The following MAST4 variants were observed in gnomAD, a reference collection of about 807,000 sequenced individuals.
MAST4 encodes the protein microtubule associated serine/threonine kinase family member 4.
A neutral mutation model predicts 162.7 loss-of-function variants in MAST4; 89 were observed. The ratio of observed to expected loss-of-function variants is 0.55; its 90% confidence interval spans 0.46 to 0.65. The LOEUF (loss-of-function observed/expected upper bound fraction) is 0.65, where lower values mean the gene tolerates loss of function less well. Among genes scored for constraint, MAST4 ranks in the 30% least tolerant of loss-of-function variants. The pLI, the probability that MAST4 is intolerant of heterozygous loss-of-function variation, is 0.00. For missense variants in MAST4, 3,153 were observed against 3,374.0 expected (o/e 0.93, Z 1.62); for synonymous variants, 1,479 against 1,361.1 (o/e 1.09, Z -1.91).
chr5:67,078,772 A>ATATTTATTTATATTTATCTAAATATATT (rs1554093757), intron 5 of MAST4, among the ~76,000 whole-genome samples: 93 of 128,170 alleles, frequency 7.3e-4, no homozygotes, highest in Admixed American at 2.0e-3. Flanking sequence ...CTAAATATAT[A>ATATTTATTTATATTTATCTAAATATATT]TATTTATTTA....
At chr5:66,988,383 C>G (rs1749735691) in intron 4 of MAST4, among the ~76,000 whole-genome samples, 1 of 152,178 alleles carries the variant, frequency 6.6e-6, no homozygotes, top group Non-Finnish European at 1.5e-5. Context: ...CCAGTTCCTT[C>G]AAGACAGCTT....
At chr5:67,134,232 AT>A (rs1769343926) in intron 17 of MAST4, among the ~76,000 whole-genome samples, 1 of 152,226 alleles carries the variant, frequency 6.6e-6, no homozygotes. Flanking sequence ...TGGTTTTAAT[AT>A]TGTATAATAG....
chr5:67,013,914 A>G (rs1328097092), intron 4 of MAST4, among the ~76,000 whole-genome samples: 1 of 152,192 alleles, frequency 6.6e-6, no homozygotes, highest in Non-Finnish European at 1.5e-5. Context: ...GCTATTATGT[A>G]ATGTTATTTC....
intron 4 of MAST4, among the ~76,000 whole-genome samples, chr5:66,949,249 G>T (rs1744385812): frequency 6.6e-6 from 1 of 152,104 alleles, no homozygotes; most frequent in Non-Finnish European, 1.5e-5. Flanking sequence ...AACTGTTGAT[G>T]TTGGGCAATG....
intron 4 of MAST4, among the ~76,000 whole-genome samples, chr5:66,903,155 T>C (rs1161213726): frequency 3.3e-5 from 5 of 152,114 alleles, no homozygotes; most frequent in Non-Finnish European, 5.9e-5. Flanking sequence ...GTGTAAAACA[T>C]GCATGGAAAG....
chr5:66,642,928 G>A (rs960391719), intron 1 of MAST4, among the ~76,000 whole-genome samples: 1 of 152,148 alleles, frequency 6.6e-6, no homozygotes, highest in Non-Finnish European at 1.5e-5. Context: ...TTATATAGCT[G>A]GAAAGCTGGG....
intron 3 of MAST4, among the ~76,000 whole-genome samples, chr5:66,827,281 A>C (rs1404544072): frequency 2.0e-5 from 3 of 152,202 alleles, no homozygotes; most frequent in Non-Finnish European, 4.4e-5. Flanking sequence ...ACTCCTCCAC[A>C]TATAAGCGAG....
intron 3 of MAST4, among the ~76,000 whole-genome samples, chr5:66,809,283 A>C (rs1445078091): frequency 6.6e-6 from 1 of 152,230 alleles, no homozygotes; most frequent in Non-Finnish European, 1.5e-5. Context: ...GTGATCACTA[A>C]TTAGAAATGT....
At chr5:67,080,351 C>CT (rs147420749) in intron 5 of MAST4, among the ~76,000 whole-genome samples, 2,183 of 152,260 alleles carry the variant, frequency 0.014, 32 homozygotes, top group African/African-American at 0.037. Context: ...ATAATCACAA[C>CT]TTTTTTTCTC....
chr5:66,648,077 T>TGAGAGAGAGA (rs1347864859), intron 1 of MAST4, among the ~76,000 whole-genome samples: 12 of 99,022 alleles, frequency 1.2e-4, no homozygotes, highest in African/African-American at 5.1e-4. Flanking sequence ...TGTGTGTGTG[T>TGAGAGAGAGA]GTGTGTGAGA....
chr5:67,049,561 C>G (rs1757915361), intron 4 of MAST4, among the ~76,000 whole-genome samples: 1 of 152,140 alleles, frequency 6.6e-6, no homozygotes, highest in South Asian at 2.1e-4. Context: ...AAGCTTTGGT[C>G]TATGATGGGT....
At chr5:66,602,010 CATACATATGA>C (rs938040984) in intron 1 of MAST4, among the ~76,000 whole-genome samples, 49 of 152,180 alleles carry the variant, frequency 3.2e-4, no homozygotes, top group African/African-American at 8.4e-4. Context: ...CTATGAAATA[CATACATATGA>C]ATACATATGA....
chr5:66,804,966 C>A (rs944921176), intron 3 of MAST4, among the ~76,000 whole-genome samples: 1 of 152,046 alleles, frequency 6.6e-6, no homozygotes, highest in Admixed American at 6.5e-5. Context: ...TTAGTTTTGT[C>A]TTCTCTCTCT....
intron 26 of MAST4, among the ~76,000 whole-genome samples, chr5:67,156,383 A>G (rs1772539974): frequency 1.3e-5 from 2 of 152,206 alleles, no homozygotes; most frequent in South Asian, 4.1e-4. Flanking sequence ...CATACTCTCC[A>G]GCTGCCAGTA....
intron 26 of MAST4, among the ~76,000 whole-genome samples, chr5:67,159,181 A>G (rs981189496): frequency 2.0e-5 from 3 of 152,280 alleles, no homozygotes; most frequent in Non-Finnish European, 4.4e-5. Context: ...TCCAAATTAT[A>G]TAATGTGCAA....
chr5:66,998,411 AT>A (rs1481105315), intron 4 of MAST4, among the ~76,000 whole-genome samples: 1 of 152,186 alleles, frequency 6.6e-6, no homozygotes, highest in African/African-American at 2.4e-5. Flanking sequence ...CTTAAACGCA[AT>A]TCGTTACCTA....
intron 4 of MAST4, among the ~76,000 whole-genome samples, chr5:67,031,803 T>G (rs1755361961): frequency 6.6e-6 from 1 of 152,182 alleles, no homozygotes. Flanking sequence ...TACTGCCTAG[T>G]GACCTATTCA....
chr5:66,638,488 A>G (rs2149431732), intron 1 of MAST4, among the ~76,000 whole-genome samples: 1 of 152,336 alleles, frequency 6.6e-6, no homozygotes, highest in South Asian at 2.1e-4. Context: ...TAGGTTTTTA[A>G]AAAAGATGTT....
chr5:66,731,679 T>C (rs1326425578), intron 1 of MAST4, among the ~76,000 whole-genome samples: 1 of 152,108 alleles, frequency 6.6e-6, no homozygotes, highest in Non-Finnish European at 1.5e-5. Flanking sequence ...ATAGTGGTTG[T>C]CTCACCTTTG....
Sources: gnomAD v4.1 joint callset for allele counts (sites outside exome capture counted in the v4.1 genomes callset) on GRCh38, gnomAD v4.1.1 for gene constraint, MANE v1.5 for transcripts, NCBI Gene and HGNC (gene_info 2026-07-23, HGNC 2026-07-21) for gene names.